PCCA: variants seen among roughly 807,000 people sequenced by gnomAD.
The protein encoded by PCCA is propionyl-CoA carboxylase subunit alpha.
In PCCA, 74 loss-of-function variants were observed where a neutral mutation model predicts 101.3. The observed-to-expected ratio is 0.73, with a 90% CI of 0.61 to 0.89. The LOEUF is 0.89. Ranked by LOEUF, PCCA falls within the 40% of genes least tolerant of loss-of-function variation. The probability of loss-of-function intolerance (pLI) is 0.00; values close to 1 mark genes in which losing one functional copy is unlikely to be tolerated. For synonymous variants in PCCA, 294 were observed against 313.6 expected (o/e 0.94, Z 0.66); for missense variants, 891 against 907.0 (o/e 0.98, Z 0.23).
chr13:100,156,713 AGT>A (rs1486241553), intron 5 of PCCA, among the ~76,000 whole-genome samples: 2 of 152,222 alleles, frequency 1.3e-5, no homozygotes, highest in South Asian at 2.1e-4. Context: ...ATTTTAGTTC[AGT>A]TTGATAGAAA....
At chr13:100,359,914 G>A (rs1399216767) in intron 18 of PCCA, among the ~76,000 whole-genome samples, 1 of 152,186 alleles carries the variant, frequency 6.6e-6, no homozygotes, top group Non-Finnish European at 1.5e-5. Context: ...TATTGGGATT[G>A]TATCTCAGGG....
intron 21 of PCCA, among the ~76,000 whole-genome samples, chr13:100,484,388 G>A (rs1453027520): frequency 1.3e-5 from 2 of 151,984 alleles, no homozygotes; most frequent in Non-Finnish European, 2.9e-5. Context: ...GTGTGCATAG[G>A]GATTACGTCC....
chr13:100,194,483 C>T (rs967670214), intron 6 of PCCA, among the ~76,000 whole-genome samples: 7 of 152,248 alleles, frequency 4.6e-5, no homozygotes, highest in African/African-American at 1.7e-4. Flanking sequence ...AGTGGTGCAA[C>T]TTCAGCTCAC....
chr13:100,296,489 A>G (rs2065543170), intron 12 of PCCA, among the ~76,000 whole-genome samples: 1 of 151,650 alleles, frequency 6.6e-6, no homozygotes, highest in Non-Finnish European at 1.5e-5. Flanking sequence ...TGGGCTCAAG[A>G]TATCCACCTG....
intron 1 of PCCA, among the ~76,000 whole-genome samples, chr13:100,093,129 G>A (rs2046425469): frequency 6.8e-6 from 1 of 147,372 alleles, no homozygotes; most frequent in Non-Finnish European, 1.5e-5. Context: ...AAGGAATTTG[G>A]GAAGAAACAC....
chr13:100,467,412 C>T (rs111586722), intron 21 of PCCA, among the ~76,000 whole-genome samples: 1,770 of 152,204 alleles, frequency 0.012, 41 homozygotes, highest in African/African-American at 0.04. Context: ...TGCTCTGTTG[C>T]CCAGGCTGGA....
chr13:100,505,159 G>A (rs1022472836), intron 21 of PCCA, among the ~76,000 whole-genome samples: 4 of 152,162 alleles, frequency 2.6e-5, no homozygotes, highest in Non-Finnish European at 5.9e-5. Flanking sequence ...ACCTCATATT[G>A]ATCACATTCT....
At chr13:100,278,061 A>G (rs1211504622) in intron 12 of PCCA, among the ~76,000 whole-genome samples, 17 of 152,158 alleles carry the variant, frequency 1.1e-4, no homozygotes, top group Non-Finnish European at 8.8e-5. Flanking sequence ...TCACCTTTGT[A>G]GCCTATATTT....
At chr13:100,133,204 C>T (rs2050733500) in intron 4 of PCCA, among the ~76,000 whole-genome samples, 1 of 152,198 alleles carries the variant, frequency 6.6e-6, no homozygotes, top group African/African-American at 2.4e-5. Flanking sequence ...GTATCCTTTT[C>T]AGTGAATAAG....
chr13:100,148,049 T>C (rs9300591), intron 4 of PCCA, among the ~76,000 whole-genome samples: 58,671 of 151,904 alleles, frequency 0.39, 12,953 homozygotes, highest in East Asian at 0.73. Flanking sequence ...TCCTAAGCCG[T>C]GGGGACTACA....
At chr13:100,218,463 C>T (rs548251370) in intron 7 of PCCA, among the ~76,000 whole-genome samples, 6 of 152,038 alleles carry the variant, frequency 3.9e-5, no homozygotes, top group South Asian at 2.1e-4. Context: ...ATTACAGGCG[C>T]GTGCCACTGC....
intron 17 of PCCA, 80 bp downstream of exon 17, chr13:100,330,751 T>TAGAG: frequency 2.3e-6 from 2 of 873,510 alleles, no homozygotes; most frequent in Non-Finnish European, 3.8e-6. Context: ...TCACTCTATT[T>TAGAG]TGAAATTAAG....
chr13:100,444,282 G>A lies in PCCA; in HGVS notation c.1846-4970G>A, dbSNP rs144654544. On this transcript the variant is annotated intron_variant, in intron 20 of 23. Transcript: ENST00000376285. The stretch of plus-strand genomic sequence containing the variant: ...AGTGGTGGTGCAATCTTGGCTCACT[G>A]CAACCTCCACCTCCCAGGTTCAAGT... 1.3e-4 allele frequency among the ~76,000 whole-genome samples: 20 copies of A among 149,188 alleles called. 1 individual carries two copies. Among genetic ancestry groups the A allele is most frequent in the African/African-American group, 4.7e-4 (19 of 40,414 alleles).
At chr13:100,181,430 T>C (rs1442825976) in intron 6 of PCCA, among the ~76,000 whole-genome samples, 1 of 152,164 alleles carries the variant, frequency 6.6e-6, no homozygotes, top group Non-Finnish European at 1.5e-5. Context: ...TCTTTCTTCT[T>C]TGGAAACAGG....
intron 4 of PCCA, among the ~76,000 whole-genome samples, chr13:100,131,668 A>G (rs1426232825): frequency 6.6e-6 from 1 of 152,142 alleles, no homozygotes; most frequent in African/African-American, 2.4e-5. Context: ...GAAAAAACTT[A>G]TGCCTTTACA....
At chr13:100,355,856 C>G (rs76278805) in intron 18 of PCCA, among the ~76,000 whole-genome samples, 5,237 of 152,144 alleles carry the variant, frequency 0.034, 323 homozygotes, top group African/African-American at 0.12. Flanking sequence ...CTCCTACTTC[C>G]CGATTTCAAA....
intron 18 of PCCA, among the ~76,000 whole-genome samples, chr13:100,367,971 A>G (rs531707502): frequency 6.6e-6 from 1 of 152,016 alleles, no homozygotes. Flanking sequence ...AATAATAATA[A>G]TAATTAAAAA....
chr13:100,376,743 C>T (rs975042068), intron 19 of PCCA, among the ~76,000 whole-genome samples: 1 of 152,140 alleles, frequency 6.6e-6, no homozygotes, highest in Admixed American at 6.5e-5. Flanking sequence ...TGCTGGGCTC[C>T]GTGGGGCTGG....
intron 12 of PCCA, among the ~76,000 whole-genome samples, chr13:100,282,497 G>A (rs2064210919): frequency 1.3e-5 from 2 of 152,234 alleles, no homozygotes; most frequent in African/African-American, 4.8e-5. Flanking sequence ...CGGGCCAGCT[G>A]GAGTTCCAGG....
Sources: allele counts gnomAD v4.1 joint callset (sites outside exome capture counted in the v4.1 genomes callset), GRCh38; gene constraint gnomAD v4.1.1; transcripts MANE v1.5; gene names NCBI Gene and HGNC (gene_info 2026-07-23, HGNC 2026-07-21).